Variants in ATP8A2 observed in about 807,000 individuals in gnomAD.
ATP8A2 encodes the protein ATPase phospholipid transporting 8A2, also known as phospholipid-transporting ATPase IB.
In ATP8A2, 100 loss-of-function variants were observed where a neutral mutation model predicts 165.6. That is an observed-to-expected ratio of 0.60 (90% CI 0.51 to 0.71). The LOEUF (loss-of-function observed/expected upper bound fraction) is 0.71, where lower values mean the gene tolerates loss of function less well. ATP8A2 is among the 30% of genes least tolerant of loss of function. The pLI, the probability that ATP8A2 is intolerant of heterozygous loss-of-function variation, is 0.00. For synonymous variants in ATP8A2, 543 were observed against 548.8 expected (o/e 0.99, Z 0.15); for missense variants, 1,227 against 1,479.5 (o/e 0.83, Z 2.80).
intron 36 of ATP8A2, among the ~76,000 whole-genome samples, chr13:26,016,902 C>T (rs953634294): frequency 1.3e-5 from 2 of 152,134 alleles, no homozygotes; most frequent in African/African-American, 2.4e-5. Context: ...TGGTCCAGGC[C>T]ATTTAATTTA....
chr13:25,775,610 G>A (rs1344800531), intron 27 of ATP8A2, among the ~76,000 whole-genome samples: 1 of 152,124 alleles, frequency 6.6e-6, no homozygotes, highest in Non-Finnish European at 1.5e-5. Context: ...TAGAGGGGTG[G>A]GCCCAGGAAG....
chr13:25,616,163 A>G (rs188958627), intron 24 of ATP8A2, among the ~76,000 whole-genome samples: 126 of 152,012 alleles, frequency 8.3e-4, no homozygotes, highest in African/African-American at 2.5e-3. Context: ...CCAACAACAC[A>G]CTTTCAATGC....
intron 1 of ATP8A2, among the ~76,000 whole-genome samples, chr13:25,466,172 G>A (rs905859003): frequency 1.4e-4 from 22 of 152,090 alleles, no homozygotes; most frequent in African/African-American, 5.3e-4. Flanking sequence ...GCTTGGCATT[G>A]AGTCATCCAC....
intron 24 of ATP8A2, among the ~76,000 whole-genome samples, chr13:25,632,982 T>G (rs1190091402): frequency 1.3e-5 from 2 of 152,320 alleles, no homozygotes; most frequent in South Asian, 2.1e-4. Context: ...AGTGACAAAC[T>G]GTAAGTTTTT....
At chr13:25,392,583 C>T (rs2033285265) in intron 1 of ATP8A2, among the ~76,000 whole-genome samples, 1 of 152,088 alleles carries the variant, frequency 6.6e-6, no homozygotes, top group African/African-American at 2.4e-5. Context: ...GAAAAGAAAA[C>T]AAACTGTAAC....
chr13:25,655,475 A>T (rs2041908121), intron 24 of ATP8A2, among the ~76,000 whole-genome samples: 3 of 152,178 alleles, frequency 2.0e-5, no homozygotes, highest in African/African-American at 4.8e-5. Flanking sequence ...GGAGCTCTTA[A>T]TGTCATTTAG....
intron 1 of ATP8A2, among the ~76,000 whole-genome samples, chr13:25,419,392 C>G (rs2034231196): frequency 6.6e-6 from 1 of 152,134 alleles, no homozygotes; most frequent in South Asian, 2.1e-4. Flanking sequence ...TTAAAAAAGG[C>G]AGGTTAATAA....
chr13:25,791,890 G>T (rs889779079), intron 27 of ATP8A2, among the ~76,000 whole-genome samples: 3 of 152,064 alleles, frequency 2.0e-5, no homozygotes, highest in Non-Finnish European at 4.4e-5. Flanking sequence ...GATAAATTTC[G>T]TATATGCTCA....
At chr13:25,926,532 G>A (rs1178190236) in intron 33 of ATP8A2, among the ~76,000 whole-genome samples, 1 of 152,184 alleles carries the variant, frequency 6.6e-6, no homozygotes, top group Admixed American at 6.5e-5. Flanking sequence ...CATGGTATCT[G>A]CTGCATGGAA....
chr13:26,004,298 T>C (rs923539114), intron 35 of ATP8A2, among the ~76,000 whole-genome samples: 6 of 152,108 alleles, frequency 3.9e-5, no homozygotes, highest in African/African-American at 1.4e-4. Context: ...GCTTTCTTAA[T>C]TTCATTTTTG....
intron 33 of ATP8A2, among the ~76,000 whole-genome samples, chr13:25,937,362 C>CTTTTTTTTT (rs1555293658): frequency 2.1e-4 from 8 of 38,804 alleles, no homozygotes; most frequent in African/African-American, 4.1e-4. Context: ...TTCTTTCTTT[C>CTTTTTTTTT]TTTTTTTTTT....
intron 33 of ATP8A2, among the ~76,000 whole-genome samples, chr13:25,915,739 G>GT (rs1954252084): frequency 6.6e-6 from 1 of 152,200 alleles, no homozygotes; most frequent in Non-Finnish European, 1.5e-5. Flanking sequence ...GACCCAGGCT[G>GT]TATCTGTCTC....
At position 25,907,040 on chromosome 13, in the gene ATP8A2, G is replaced by A. The variant is rs148040393; in HGVS notation, c.3183+44632G>A. Among the ~76,000 whole-genome samples, 25 of 152,290 alleles carry A rather than the reference G, an allele frequency of 1.6e-4. No homozygotes were observed. In the East Asian group the frequency reaches 4.3e-3, roughly 26 times the overall value. On this transcript the variant is annotated intron_variant, in intron 33 of 36. Coordinates refer to ENST00000381655, the MANE Select transcript of ATP8A2 (RefSeq NM_016529.6). The stretch of plus-strand genomic sequence containing the variant: ...AGGTCAGGAGTTTGAGACCAGCCTG[G>A]TCAACATGGTGAAACCCCGTCTCTA...
intron 2 of ATP8A2, among the ~76,000 whole-genome samples, chr13:25,507,577 A>G (rs2037091427): frequency 6.6e-6 from 1 of 152,148 alleles, no homozygotes; most frequent in South Asian, 2.1e-4. Flanking sequence ...TGCTGGTACC[A>G]TTTTTAAATA....
intron 24 of ATP8A2, among the ~76,000 whole-genome samples, chr13:25,652,876 C>T (rs2041845437): frequency 6.6e-6 from 1 of 152,192 alleles, no homozygotes; most frequent in East Asian, 1.9e-4. Flanking sequence ...TGTTCTTCAT[C>T]ACTGCCCACA....
rs2044682433 is a variant in ATP8A2 at position 25,773,929 on chromosome 13, AGTT to A, written c.2569-916_2569-914del. On this transcript the variant is annotated intron_variant, in intron 26 of 36. Coordinates refer to ENST00000381655, the MANE Select transcript of ATP8A2 (RefSeq NM_016529.6). ...GTGTGTGTAACTTTTTAAACTACGC[AGTT>A]GTTAGTGGAAGTAGTGTATGTGCAC... Among the ~76,000 whole-genome samples the A allele has an allele frequency of 2.6e-5, 4 of 152,224 alleles. No individual in the cohort carries two copies. In the South Asian group the frequency reaches 8.3e-4, roughly 32 times the overall value.
chr13:25,497,208 G>T (rs2036704977), intron 2 of ATP8A2, among the ~76,000 whole-genome samples: 1 of 152,092 alleles, frequency 6.6e-6, no homozygotes, highest in South Asian at 2.1e-4. Context: ...AAAAACAGAA[G>T]GAATATTATG....
chr13:25,602,752 A>T (rs2040419816), intron 24 of ATP8A2, among the ~76,000 whole-genome samples: 1 of 152,172 alleles, frequency 6.6e-6, no homozygotes, highest in South Asian at 2.1e-4. Flanking sequence ...ATCTGAGAAG[A>T]GTGACATGAT....
chr13:25,838,148 C>T (rs767171054), intron 29 of ATP8A2, among the ~76,000 whole-genome samples: 12 of 152,184 alleles, frequency 7.9e-5, no homozygotes, highest in East Asian at 1.9e-4. Flanking sequence ...GTGCTGGTGG[C>T]GGTCATGATT....
Sources: allele counts gnomAD v4.1 joint callset (sites outside exome capture counted in the v4.1 genomes callset), GRCh38; gene constraint gnomAD v4.1.1; transcripts MANE v1.5; gene names NCBI Gene and HGNC (gene_info 2026-07-23, HGNC 2026-07-21).